CADM1: variants seen among roughly 807,000 people sequenced by gnomAD.
The protein encoded by CADM1 is cell adhesion molecule 1.
Under a neutral mutation model 53.1 loss-of-function variants are expected in CADM1, and 15 were observed. The observed-to-expected ratio is 0.28, with a 90% CI of 0.19 to 0.44. CADM1 has a LOEUF of 0.44. Among genes scored for constraint, CADM1 ranks in the 20% least tolerant of loss-of-function variants. The pLI is 1.00. For missense variants in CADM1, 434 were observed against 611.3 expected, an observed-to-expected ratio of 0.71 and a Z score of 3.06; for synonymous variants, 281 against 243.0, an observed-to-expected ratio of 1.16 and a Z score of -1.45.
rs56270694 is a variant in CADM1 at position 115,206,758 on chromosome 11, C to CTTTTTTTTTTTTTTTTTTTT, written c.1078+2796_1078+2815dup. Among the ~76,000 whole-genome samples the CTTTTTTTTTTTTTTTTTTTT allele has an allele frequency of 1.4e-3, 53 of 38,230 alleles. 23 individuals carry two copies. The highest frequency in any genetic ancestry group is 0.013 in the East Asian group (9 of 716). 25.1% of individuals were successfully genotyped at this position (38,230 alleles called of 152,430 possible). Reference sequence around the variant, plus strand: ...AAAAGAAATAGATGACTGTGGACTTCTTTTTTTTTTTTTTTTTTTTTTTTT... The same window carrying CTTTTTTTTTTTTTTTTTTTT: ...AAAAGAAATAGATGACTGTGGACTTCTTTTTTTTTTTTTTTTTTTTTTTTTTTTTTTTTTTTTTTTTTTTT... On this transcript the variant is annotated intron_variant, in intron 8 of 11. Coordinates refer to ENST00000331581, the MANE Select transcript of CADM1 (RefSeq NM_001301043.2).
chr11:115,404,571 A>C (rs1947264646), intron 1 of CADM1, among the ~76,000 whole-genome samples: 1 of 149,890 alleles, frequency 6.7e-6, no homozygotes, highest in African/African-American at 2.4e-5. Context: ...CCTGCATTAA[A>C]ATTAATATAA....
chr11:115,335,890 T>G (rs1193201806), intron 1 of CADM1, among the ~76,000 whole-genome samples: 3 of 152,150 alleles, frequency 2.0e-5, no homozygotes, highest in Non-Finnish European at 2.9e-5. Context: ...CATTTCCACT[T>G]GAAATCTTTA....
chr11:115,229,019 C>T, intron 5 of CADM1, 94 bp downstream of exon 5: 1 of 1,117,568 alleles, frequency 8.9e-7, no homozygotes, highest in South Asian at 1.3e-5. Context: ...TCTATGTATA[C>T]TATATAAAAT....
At chr11:115,401,669 T>C (rs1488215883) in intron 1 of CADM1, among the ~76,000 whole-genome samples, 1 of 152,180 alleles carries the variant, frequency 6.6e-6, no homozygotes, top group East Asian at 1.9e-4. Flanking sequence ...AGGAATGAAC[T>C]GGCAGAAGGC....
intron 8 of CADM1, among the ~76,000 whole-genome samples, chr11:115,202,427 C>T (rs1472509835): frequency 1.3e-5 from 2 of 152,052 alleles, no homozygotes; most frequent in African/African-American, 2.4e-5. Context: ...AAATTTACAA[C>T]CTTAAATATT....
At chr11:115,283,389 C>T (rs1279204399) in intron 1 of CADM1, among the ~76,000 whole-genome samples, 1 of 152,038 alleles carries the variant, frequency 6.6e-6, no homozygotes, top group Non-Finnish European at 1.5e-5. Flanking sequence ...GTTCACTGCC[C>T]CTAAGCAAAC....
intron 8 of CADM1, among the ~76,000 whole-genome samples, chr11:115,208,125 C>G (rs118164973): frequency 6.6e-6 from 1 of 152,288 alleles, no homozygotes; most frequent in East Asian, 1.9e-4. Context: ...AGAGCCAAAA[C>G]AGAAACACAC....
Position 115,478,531 on chromosome 11 carries a change from T to G in CADM1, c.124+25740A>C, listed in dbSNP as rs314507. On this transcript the variant is annotated intron_variant, in intron 1 of 11. Transcript: ENST00000331581. ...ATTTACATACCACACCCATTTCAAC[T>G]GATCTTTTTAGACCCTTTAAATACA... Among the ~76,000 whole-genome samples the G allele has an allele frequency of 4.3e-3, 660 of 152,298 alleles. 5 individuals carry two copies. Among genetic ancestry groups the G allele is most frequent in the African/African-American group, 0.015 (605 of 41,572 alleles).
chr11:115,197,156 CA>C (rs984553624), intron 9 of CADM1, among the ~76,000 whole-genome samples: 5 of 152,192 alleles, frequency 3.3e-5, no homozygotes, highest in African/African-American at 1.2e-4. Flanking sequence ...ATAGGAAAGT[CA>C]AAAGATGGGG....
chr11:115,180,982 G>A (rs1185692832), intron 10 of CADM1, among the ~76,000 whole-genome samples: 4 of 152,170 alleles, frequency 2.6e-5, no homozygotes, highest in African/African-American at 9.7e-5. Flanking sequence ...GAGGACAGGG[G>A]AAAGTTAGGC....
At chr11:115,292,206 C>T (rs952067073) in intron 1 of CADM1, among the ~76,000 whole-genome samples, 2 of 152,184 alleles carry the variant, frequency 1.3e-5, no homozygotes, top group Non-Finnish European at 2.9e-5. Flanking sequence ...CATACAAGCA[C>T]ACCAAGATGG....
At chr11:115,348,472 C>T (rs910833792) in intron 1 of CADM1, among the ~76,000 whole-genome samples, 2 of 152,194 alleles carry the variant, frequency 1.3e-5, no homozygotes, top group Admixed American at 6.5e-5. Flanking sequence ...AGTTACCACA[C>T]AAATTGTAGA....
At chr11:115,468,082 G>A (rs1163909981) in intron 1 of CADM1, among the ~76,000 whole-genome samples, 3 of 152,192 alleles carry the variant, frequency 2.0e-5, no homozygotes, top group Non-Finnish European at 4.4e-5. Context: ...AAAGCATTCT[G>A]TATCTGGTAT....
At chr11:115,321,851 CA>C (rs1170198602) in intron 1 of CADM1, among the ~76,000 whole-genome samples, 2 of 152,176 alleles carry the variant, frequency 1.3e-5, no homozygotes, top group African/African-American at 2.4e-5. Flanking sequence ...TCATCACCCA[CA>C]AATGCACCAT....
At chr11:115,312,506 C>T (rs1325651693) in intron 1 of CADM1, among the ~76,000 whole-genome samples, 1 of 152,086 alleles carries the variant, frequency 6.6e-6, no homozygotes, top group Non-Finnish European at 1.5e-5. Flanking sequence ...GTAAATCATA[C>T]TCAGGAAAAA....
chr11:115,351,642 G>C (rs1945740111), intron 1 of CADM1, among the ~76,000 whole-genome samples: 1 of 152,194 alleles, frequency 6.6e-6, no homozygotes, highest in African/African-American at 2.4e-5. Context: ...TTGAGGCAGA[G>C]AGAAGCAATT....
chr11:115,295,252 C>T (rs561590944), intron 1 of CADM1, among the ~76,000 whole-genome samples: 3 of 151,994 alleles, frequency 2.0e-5, no homozygotes, highest in Admixed American at 1.3e-4. Flanking sequence ...AACAAGTTCA[C>T]GGCAAAATCC....
intron 1 of CADM1, among the ~76,000 whole-genome samples, chr11:115,304,385 C>T (rs975739867): frequency 6.6e-6 from 1 of 152,004 alleles, no homozygotes; most frequent in Non-Finnish European, 1.5e-5. Flanking sequence ...AGCAGCTCCC[C>T]GTTATGAATT....
intron 1 of CADM1, among the ~76,000 whole-genome samples, chr11:115,431,785 C>G (rs559555935): frequency 1.3e-5 from 2 of 152,232 alleles, no homozygotes; most frequent in South Asian, 4.1e-4. Flanking sequence ...ACGAAGCCCT[C>G]CCTGGCCTAC....
Sources: gnomAD v4.1 joint callset for allele counts (sites outside exome capture counted in the v4.1 genomes callset) on GRCh38, gnomAD v4.1.1 for gene constraint, MANE v1.5 for transcripts, NCBI Gene and HGNC (gene_info 2026-07-23, HGNC 2026-07-21) for gene names.